TEK: variants seen among roughly 807,000 people sequenced by gnomAD.
TEK encodes TEK receptor tyrosine kinase.
TEK carries 43 observed loss-of-function variants against 131.8 expected under a neutral mutation model. The ratio of observed to expected loss-of-function variants is 0.33; its 90% CI spans 0.26 to 0.42. The LOEUF (loss-of-function observed/expected upper bound fraction) is 0.42. Among genes scored for constraint, TEK ranks in the 10% least tolerant of loss-of-function variants. The pLI, the probability that TEK is intolerant of heterozygous loss-of-function variation, is 1.00. For synonymous variants in TEK, 580 were observed against 491.6 expected (o/e 1.18, Z -2.38); for missense variants, 1,162 against 1,384.4 (o/e 0.84, Z 2.55).
At chr9:27,205,643 T>C (rs145785076) in intron 14 of TEK, among the ~76,000 whole-genome samples, 143 of 152,224 alleles carry the variant, frequency 9.4e-4, no homozygotes, top group African/African-American at 3.3e-3. Flanking sequence ...TTTTTTTTCA[T>C]CTAGGAATTC....
At chr9:27,134,949 G>T (rs1241526397) in intron 1 of TEK, among the ~76,000 whole-genome samples, 2 of 152,136 alleles carry the variant, frequency 1.3e-5, no homozygotes, top group Admixed American at 6.6e-5. Context: ...AAACAAAAAG[G>T]GTGTGTAATA....
chr9:27,147,901 G>A (rs997351382), intron 1 of TEK, among the ~76,000 whole-genome samples: 4 of 152,200 alleles, frequency 2.6e-5, no homozygotes, highest in African/African-American at 9.6e-5. Context: ...AAAGAATGGA[G>A]TGAAACCAGT....
chr9:27,143,810 C>T lies in TEK; in HGVS notation c.53-14021C>T, dbSNP rs557836453. 2.0e-5 allele frequency among the ~76,000 whole-genome samples: 3 copies of T among 152,282 alleles called. No individual in the cohort carries two copies. The South Asian group carries it at 6.2e-4, about 32-fold the overall frequency. ...CCTGTCATACTGCCATACCTACTGG[C>T]TACCAGGTTTATATAGTCAGTAAGA... is the stretch of plus-strand genomic sequence containing the variant. On this transcript the variant is annotated intron_variant, in intron 1 of 22. Transcript: ENST00000380036.
intron 1 of TEK, among the ~76,000 whole-genome samples, chr9:27,145,238 G>C (rs989067630): frequency 1.3e-5 from 2 of 152,174 alleles, no homozygotes; most frequent in African/African-American, 4.8e-5. Flanking sequence ...CTGGTCTCCT[G>C]TTAAGGTCAG....
At chr9:27,144,325 C>T (rs377157639) in intron 1 of TEK, among the ~76,000 whole-genome samples, 202 of 152,090 alleles carry the variant, frequency 1.3e-3, no homozygotes, top group African/African-American at 4.6e-3. Context: ...GTAGCTCATG[C>T]GAAGATGCTA....
At chr9:27,192,365 C>G in intron 10 of TEK, 124 bp from the exon 11 acceptor site, 2 of 1,100,396 alleles carry the variant, frequency 1.8e-6, no homozygotes, top group Non-Finnish European at 2.8e-6. Context: ...GGAATTGCCT[C>G]TCTGTTTCAC....
At chr9:27,134,514 C>G (rs139198961) in intron 1 of TEK, among the ~76,000 whole-genome samples, 2 of 152,156 alleles carry the variant, frequency 1.3e-5, no homozygotes, top group Non-Finnish European at 2.9e-5. Context: ...TCAATTTAAC[C>G]TAGTTTCTAT....
chr9:27,111,777 T>C (rs1162980254), intron 1 of TEK, among the ~76,000 whole-genome samples: 2 of 152,170 alleles, frequency 1.3e-5, no homozygotes, highest in African/African-American at 2.4e-5. Flanking sequence ...AAAAGTTGTA[T>C]ATGTAGAAAA....
chr9:27,185,665 T>C, intron 9 of TEK, 36 bp downstream of exon 9: 2 of 1,612,610 alleles, frequency 1.2e-6, no homozygotes, highest in South Asian at 1.1e-5. Context: ...ATTGTGTCCT[T>C]GATGCATTAT....
intron 18 of TEK, among the ~76,000 whole-genome samples, chr9:27,216,573 A>C (rs73427190): frequency 9.2e-5 from 14 of 152,274 alleles, no homozygotes; most frequent in African/African-American, 3.1e-4. Flanking sequence ...AGAACAATAA[A>C]TAGGTAGATG....
chr9:27,136,094 T>TTA (rs1822422715), intron 1 of TEK, among the ~76,000 whole-genome samples: 1 of 151,070 alleles, frequency 6.6e-6, no homozygotes, highest in African/African-American at 2.4e-5. Context: ...TATTTTTTTT[T>TTA]TTTTTGAGAT....
chr9:27,143,570 T>A (rs1822807396), intron 1 of TEK, among the ~76,000 whole-genome samples: 1 of 152,202 alleles, frequency 6.6e-6, no homozygotes, highest in African/African-American at 2.4e-5. Flanking sequence ...AATATCTGAT[T>A]TGAACATTTA....
chr9:27,205,317 CCT>C (rs565124297), intron 14 of TEK, among the ~76,000 whole-genome samples: 18 of 152,192 alleles, frequency 1.2e-4, no homozygotes, highest in African/African-American at 3.9e-4. Flanking sequence ...TAGGTCTGCC[CCT>C]GCCTGCTGAA....
intron 9 of TEK, among the ~76,000 whole-genome samples, chr9:27,189,435 A>G (rs1264725841): frequency 6.6e-6 from 1 of 152,170 alleles, no homozygotes; most frequent in East Asian, 1.9e-4. Flanking sequence ...ACCCATTGTA[A>G]TATCTAAAAT....
At chr9:27,166,708 C>T (rs1823743526) in intron 2 of TEK, among the ~76,000 whole-genome samples, 1 of 152,062 alleles carries the variant, frequency 6.6e-6, no homozygotes, top group African/African-American at 2.4e-5. Context: ...ATCTTATGTG[C>T]CATTATGTCG....
chr9:27,154,937 G>A (rs1026901109), intron 1 of TEK, among the ~76,000 whole-genome samples: 1 of 152,206 alleles, frequency 6.6e-6, no homozygotes, highest in African/African-American at 2.4e-5. Context: ...TTTATACATA[G>A]CTTGGTTGTC....
chr9:27,228,202 G>T lies in TEK; in HGVS notation c.3201-4G>T, dbSNP rs138855043. 6.2e-7 allele frequency: 1 copy of T among 1,611,162 alleles called. No homozygotes were observed. Among genetic ancestry groups the T allele is most frequent in the Admixed American group, 1.7e-5 (1 of 59,934 alleles). ...ATTAACCCTTTAATTCTTTGCTTTCGAAGGTATGATCTAATGAGACAATGC... is the reference window on the plus strand; with the variant it reads ...ATTAACCCTTTAATTCTTTGCTTTCTAAGGTATGATCTAATGAGACAATGC... On this transcript the variant is annotated splice_region_variant and splice_polypyrimidine_tract_variant and intron_variant, in intron 21 of 22. Coordinates refer to ENST00000380036, the MANE Select transcript of TEK (RefSeq NM_000459.5).
chr9:27,127,481 G>A (rs1178389828), intron 1 of TEK, among the ~76,000 whole-genome samples: 1 of 152,214 alleles, frequency 6.6e-6, no homozygotes, highest in Non-Finnish European at 1.5e-5. Flanking sequence ...TCCTTTGGGT[G>A]TATACCCAGT....
At chr9:27,177,227 A>T (rs916880381) in intron 6 of TEK, among the ~76,000 whole-genome samples, 5 of 152,232 alleles carry the variant, frequency 3.3e-5, no homozygotes, top group African/African-American at 1.2e-4. Flanking sequence ...TTGCTGGATC[A>T]TATGGCAGTT....
Sources: gnomAD v4.1 joint callset for allele counts (sites outside exome capture counted in the v4.1 genomes callset) on GRCh38, gnomAD v4.1.1 for gene constraint, MANE v1.5 for transcripts, NCBI Gene and HGNC (gene_info 2026-07-23, HGNC 2026-07-21) for gene names.